The following PKNOX2 variants were observed in gnomAD, a reference collection of about 807,000 sequenced individuals.
PKNOX2 encodes the protein homeobox protein PKNOX2.
In PKNOX2, 14 loss-of-function variants were observed where a neutral mutation model predicts 53.1. The observed-to-expected ratio is 0.26, with a 90% CI of 0.17 to 0.41. The LOEUF (loss-of-function observed/expected upper bound fraction) is 0.41. Ranked by LOEUF, PKNOX2 falls within the 10% of genes least tolerant of loss-of-function variation. The pLI, the probability that PKNOX2 is intolerant of heterozygous loss-of-function variation, is 1.00. For missense variants in PKNOX2, 496 were observed against 602.8 expected (o/e 0.82, Z 1.85); for synonymous variants, 257 against 242.8 (o/e 1.06, Z -0.54).
chr11:125,179,213 T>C (rs1956010333), intron 1 of PKNOX2, among the ~76,000 whole-genome samples: 1 of 152,134 alleles, frequency 6.6e-6, no homozygotes, highest in South Asian at 2.1e-4. Flanking sequence ...GCCAGGGATA[T>C]ATAGGTGAGC....
rs1437911883 is a variant in PKNOX2 at position 125,377,541 on chromosome 11, G to T, written c.228-8010G>T. ...GCAAAGATGGGCACAGGAAGGCACA[G>T]AAGTTTGCTTTCCACGGGCTGCTGA... On this transcript the variant is annotated intron_variant, in intron 5 of 12. Coordinates refer to ENST00000298282, the MANE Select transcript of PKNOX2 (RefSeq NM_001382323.2). 3.3e-5 allele frequency among the ~76,000 whole-genome samples: 5 copies of T among 152,316 alleles called. No homozygotes were observed. The East Asian group carries it at 9.6e-4, about 29-fold the overall frequency.
At chr11:125,175,393 A>C (rs1429444631) in intron 1 of PKNOX2, among the ~76,000 whole-genome samples, 1 of 152,188 alleles carries the variant, frequency 6.6e-6, no homozygotes, top group African/African-American at 2.4e-5. Flanking sequence ...GCCGTGGTGG[A>C]ACTGGGCTCT....
chr11:125,266,947 C>T (rs896446407), intron 2 of PKNOX2: 24 of 152,232 alleles, frequency 1.6e-4, no homozygotes, highest in South Asian at 2.1e-4. Flanking sequence ...AATGTGCCTT[C>T]GGCAAGCACT....
intron 3 of PKNOX2, among the ~76,000 whole-genome samples, chr11:125,339,486 C>A (rs1950575995): frequency 6.6e-6 from 1 of 152,204 alleles, no homozygotes. Flanking sequence ...GCGTCATGGA[C>A]AGATTTCATT....
At chr11:125,378,407 T>A (rs961249600) in intron 5 of PKNOX2, among the ~76,000 whole-genome samples, 2 of 152,190 alleles carry the variant, frequency 1.3e-5, no homozygotes, top group Non-Finnish European at 2.9e-5. Context: ...CTCCCATGCC[T>A]TCCACCTCTG....
chr11:125,431,737 A>T lies in PKNOX2; in HGVS notation c.*345A>T. ...ACCCACGGAAGGACTTGAGTTGTTTACAAGCCCTGCACTGAGGCAGATTGG... is the reference window on the plus strand; with the variant it reads ...ACCCACGGAAGGACTTGAGTTGTTTTCAAGCCCTGCACTGAGGCAGATTGG... On this transcript the variant is annotated 3_prime_UTR_variant, in exon 13 of 13. Coordinates refer to ENST00000298282, the MANE Select transcript of PKNOX2 (RefSeq NM_001382323.2). The T allele has an allele frequency of 3.2e-6, 1 of 309,572 alleles. No individual in the cohort carries two copies. The allele number at this position is 309,572 out of a possible 1,614,324, so 19.2% of individuals were successfully genotyped here.
intron 2 of PKNOX2, among the ~76,000 whole-genome samples, chr11:125,312,966 C>T (rs1187286676): frequency 1.3e-5 from 2 of 152,180 alleles, no homozygotes; most frequent in African/African-American, 4.8e-5. Flanking sequence ...CCTTCGCTCG[C>T]ATGCCGTGTG....
At chr11:125,391,282 T>A (rs1954036921) in intron 6 of PKNOX2, among the ~76,000 whole-genome samples, 6 of 152,142 alleles carry the variant, frequency 3.9e-5, no homozygotes, top group Admixed American at 3.9e-4. Flanking sequence ...TCAAATGAGA[T>A]AATGGAGAGA....
chr11:125,344,849 G>A (rs1018216303), intron 3 of PKNOX2, among the ~76,000 whole-genome samples: 39 of 152,220 alleles, frequency 2.6e-4, no homozygotes, highest in African/African-American at 6.3e-4. Flanking sequence ...GTGGAGTCGC[G>A]GCTTATTTTT....
intron 3 of PKNOX2, among the ~76,000 whole-genome samples, chr11:125,337,296 AC>A (rs1034774486): frequency 1.3e-5 from 2 of 151,944 alleles, no homozygotes; most frequent in African/African-American, 4.8e-5. Flanking sequence ...CTGAGCAGCC[AC>A]TCTTTCTTGT....
intron 2 of PKNOX2, among the ~76,000 whole-genome samples, chr11:125,318,760 C>G (rs919142410): frequency 1.3e-5 from 2 of 152,114 alleles, no homozygotes; most frequent in African/African-American, 4.8e-5. Context: ...GTAATCCCTG[C>G]CTGTTGAGGG....
chr11:125,423,544 C>T (rs894751994), intron 10 of PKNOX2, among the ~76,000 whole-genome samples: 1 of 152,184 alleles, frequency 6.6e-6, no homozygotes, highest in African/African-American at 2.4e-5. Flanking sequence ...GCCCCGTGTT[C>T]GTTCATTCAA....
At position 125,166,367 on chromosome 11, in the gene PKNOX2, C is replaced by G. The variant is rs1307048931; in HGVS notation, c.-201+1591C>G. On this transcript the variant is annotated intron_variant, in intron 1 of 12. Coordinates refer to ENST00000298282, the MANE Select transcript of PKNOX2 (RefSeq NM_001382323.2). This position sits in a 1 kb window ranked among gnomAD's most constrained non-coding sequence, Gnocchi z 4.0. ...CGAGCCCCGAATTTTTGCTGCTTCC[C>G]CCTGAAAGTGTTTCTTTAGGAGGAG... Among the ~76,000 whole-genome samples the G allele has an allele frequency of 6.6e-6, 1 of 152,168 alleles. No homozygotes were observed. The highest frequency in any genetic ancestry group is 1.5e-5 in the Non-Finnish European group (1 of 68,024).
chr11:125,267,627 C>CA (rs1945460086), intron 2 of PKNOX2, among the ~76,000 whole-genome samples: 2 of 152,336 alleles, frequency 1.3e-5, no homozygotes, highest in African/African-American at 4.8e-5. Context: ...AAACATCTCC[C>CA]AGCGCCAGAC....
intron 10 of PKNOX2, among the ~76,000 whole-genome samples, chr11:125,426,170 G>A (rs192711146): frequency 9.5e-4 from 144 of 152,330 alleles, no homozygotes; most frequent in African/African-American, 3.4e-3. Context: ...TCTGGAGGCC[G>A]TTAATAGTGG....
intron 2 of PKNOX2, among the ~76,000 whole-genome samples, chr11:125,266,103 C>G (rs1346386288): frequency 1.3e-5 from 2 of 152,206 alleles, no homozygotes; most frequent in African/African-American, 4.8e-5. Flanking sequence ...TAGTTCCTTT[C>G]TCACTGGGTT....
At chr11:125,353,363 T>C (rs1295328067) in intron 4 of PKNOX2, among the ~76,000 whole-genome samples, 3 of 152,174 alleles carry the variant, frequency 2.0e-5, no homozygotes, top group East Asian at 1.9e-4. Flanking sequence ...GAAGTTTTGG[T>C]TTGGCGGGGA....
chr11:125,244,015 G>A lies in PKNOX2; in HGVS notation c.-130+8900G>A, dbSNP rs138773614. ...CTCATTGCTGGAGCCCCAGAGCCAA[G>A]TGGATGAATGGATGGAAGGATGAAA... On this transcript the variant is annotated intron_variant, in intron 2 of 12. Coordinates refer to ENST00000298282, the MANE Select transcript of PKNOX2 (RefSeq NM_001382323.2). 3.4e-3 allele frequency among the ~76,000 whole-genome samples: 513 copies of A among 152,324 alleles called. 1 individual carries two copies. Among genetic ancestry groups the A allele is most frequent in the African/African-American group, 0.012 (493 of 41,574 alleles).
intron 1 of PKNOX2, among the ~76,000 whole-genome samples, chr11:125,173,523 G>C (rs925382643): frequency 6.6e-6 from 1 of 152,218 alleles, no homozygotes; most frequent in Non-Finnish European, 1.5e-5. Context: ...TTTCATAAAA[G>C]AACCAGCTAA....
Sources: gnomAD v4.1 joint callset for allele counts (sites outside exome capture counted in the v4.1 genomes callset) on GRCh38, gnomAD v4.1.1 for gene constraint, Gnocchi (gnomAD v3.1) non-coding constraint, MANE v1.5 for transcripts, NCBI Gene and HGNC (gene_info 2026-07-23, HGNC 2026-07-21) for gene names.